ATXN1: variants seen among roughly 807,000 people sequenced by gnomAD.
The protein encoded by ATXN1 is ataxin 1.
ATXN1 carries 8 observed loss-of-function variants against 56.4 expected under a neutral mutation model. The observed-to-expected ratio is 0.14, with a 90% CI of 0.08 to 0.26. The LOEUF is 0.26. Ranked by LOEUF, ATXN1 falls within the 10% of genes least tolerant of loss-of-function variation. ATXN1 has a pLI of 1.00. For synonymous variants in ATXN1, 514 were observed against 494.6 expected (o/e 1.04, Z -0.52); for missense variants, 987 against 1,106.5 (o/e 0.89, Z 1.53).
chr6:16,627,533 C>T (rs902762786), intron 3 of ATXN1, among the ~76,000 whole-genome samples: 1 of 152,096 alleles, frequency 6.6e-6, no homozygotes, highest in Non-Finnish European at 1.5e-5. Context: ...TTGAGACCTG[C>T]CTGGCCAACA....
At chr6:16,529,334 G>A (rs901047810) in intron 4 of ATXN1, among the ~76,000 whole-genome samples, 1 of 151,640 alleles carries the variant, frequency 6.6e-6, no homozygotes, top group African/African-American at 2.4e-5. Context: ...AGGCAGCACA[G>A]CGGGACCAAA....
At chr6:16,658,445 G>T (rs1333748255) in intron 2 of ATXN1, among the ~76,000 whole-genome samples, 1 of 88,916 alleles carries the variant, frequency 1.1e-5, no homozygotes, top group African/African-American at 6.8e-5. Context: ...GGTTTCCCTT[G>T]TGTGATTCTT....
chr6:16,567,214 G>C (rs1310208717), intron 4 of ATXN1, among the ~76,000 whole-genome samples: 1 of 152,204 alleles, frequency 6.6e-6, no homozygotes, highest in Non-Finnish European at 1.5e-5. Flanking sequence ...GCCAACTGAA[G>C]ATGGCAGAAA....
chr6:16,549,198 T>G (rs953979586), intron 4 of ATXN1, among the ~76,000 whole-genome samples: 6 of 151,982 alleles, frequency 3.9e-5, no homozygotes, highest in Non-Finnish European at 8.8e-5. Flanking sequence ...TCTAAAACAA[T>G]GATCAAAAGT....
At chr6:16,733,909 AG>A (rs1426152849) in intron 2 of ATXN1, among the ~76,000 whole-genome samples, 3 of 152,060 alleles carry the variant, frequency 2.0e-5, no homozygotes, top group Non-Finnish European at 4.4e-5. Context: ...GCACTTTGGG[AG>A]GCCAAGGTAG....
At chr6:16,678,701 A>C (rs569647303) in intron 2 of ATXN1, among the ~76,000 whole-genome samples, 26 of 152,338 alleles carry the variant, frequency 1.7e-4, no homozygotes, top group Non-Finnish European at 2.9e-4. Flanking sequence ...AAAAATGTTT[A>C]AGTTAATTTA....
intron 6 of ATXN1, among the ~76,000 whole-genome samples, chr6:16,425,308 G>A (rs1561890978): frequency 6.6e-6 from 1 of 152,212 alleles, no homozygotes; most frequent in Non-Finnish European, 1.5e-5. Context: ...CCAGGCACTT[G>A]TATTCCTCAC....
intron 2 of ATXN1, among the ~76,000 whole-genome samples, chr6:16,702,707 T>C (rs1410388094): frequency 1.3e-5 from 2 of 152,230 alleles, no homozygotes; most frequent in Admixed American, 6.5e-5. Context: ...AAAGAAGACA[T>C]TTATGCAGCC....
Position 16,303,884 on chromosome 6 carries a change from C to G in ATXN1, c.*2445G>C, listed in dbSNP as rs1385277337. 6.6e-6 allele frequency: 1 copy of G among 152,606 alleles called. No individual in the cohort carries two copies. Among genetic ancestry groups the G allele is most frequent in the Non-Finnish European group, 1.5e-5 (1 of 68,044 alleles). The allele number at this position is 152,606 out of a possible 1,614,324, so 9.5% of individuals were successfully genotyped here. A position where few individuals can be genotyped will look rare whatever the true frequency, so the allele number is the denominator to read the frequency against. On this transcript the variant is annotated 3_prime_UTR_variant, in exon 8 of 8. Transcript: ENST00000436367. The surrounding 1 kb of genome is among the most constrained non-coding windows in gnomAD (Gnocchi z 4.3). Reference sequence around the variant, plus strand: ...AAACAAAACCTAATAATTGCAAGTGCCCTGAGCAGAATATATGGAAGATTA... The same window carrying G: ...AAACAAAACCTAATAATTGCAAGTGGCCTGAGCAGAATATATGGAAGATTA...
chr6:16,594,030 A>C (rs9477183), intron 3 of ATXN1, among the ~76,000 whole-genome samples: 13,103 of 148,782 alleles, frequency 0.088, 1,860 homozygotes, highest in African/African-American at 0.3. Flanking sequence ...TATACATATT[A>C]GTCAAATTAT....
intron 7 of ATXN1, among the ~76,000 whole-genome samples, chr6:16,317,074 C>G (rs1760530354): frequency 6.6e-6 from 1 of 151,990 alleles, no homozygotes; most frequent in Non-Finnish European, 1.5e-5. Context: ...TCTCTCCACT[C>G]TCGTTCTTGC....
At chr6:16,598,674 T>C (rs977791218) in intron 3 of ATXN1, among the ~76,000 whole-genome samples, 1 of 152,168 alleles carries the variant, frequency 6.6e-6, no homozygotes, top group Non-Finnish European at 1.5e-5. Context: ...TCAAGGATGC[T>C]GGCTTCCTGG....
intron 6 of ATXN1, among the ~76,000 whole-genome samples, chr6:16,414,012 G>C (rs1167182289): frequency 2.6e-5 from 4 of 152,204 alleles, no homozygotes; most frequent in Non-Finnish European, 4.4e-5. Flanking sequence ...TTGATTGTTT[G>C]TAAAAGTGAT....
At chr6:16,320,227 C>G (rs184887033) in intron 7 of ATXN1, among the ~76,000 whole-genome samples, 1 of 151,836 alleles carries the variant, frequency 6.6e-6, no homozygotes, top group Non-Finnish European at 1.5e-5. Context: ...AGAAGTCAAC[C>G]AAAAAATAGT....
At chr6:16,481,869 G>A (rs545076193) in intron 6 of ATXN1, among the ~76,000 whole-genome samples, 12 of 152,164 alleles carry the variant, frequency 7.9e-5, no homozygotes, top group East Asian at 5.8e-4. Flanking sequence ...CAAAACCACC[G>A]CCGTTCACAG....
rs75745599 is a variant in ATXN1 at position 16,362,817 on chromosome 6, C to T, written c.-160-34347G>A. On this transcript the variant is annotated intron_variant, in intron 6 of 7. Coordinates refer to ENST00000436367, the MANE Select transcript of ATXN1 (RefSeq NM_001128164.2). ...CACTAAATCTCCCACCCACTCATGTCGCAAACCTTTATGGAGTGCCTACTA... is the reference window on the plus strand; with the variant it reads ...CACTAAATCTCCCACCCACTCATGTTGCAAACCTTTATGGAGTGCCTACTA... Among the ~76,000 whole-genome samples, 14 of 152,282 alleles carry T rather than the reference C, an allele frequency of 9.2e-5. No individual in the cohort carries two copies. In the East Asian group the frequency reaches 2.1e-3, roughly 23 times the overall value.
chr6:16,453,748 A>T (rs1427549772), intron 6 of ATXN1, among the ~76,000 whole-genome samples: 2 of 152,150 alleles, frequency 1.3e-5, no homozygotes, highest in African/African-American at 2.4e-5. Flanking sequence ...TCTACACATA[A>T]ATTTATATCT....
chr6:16,429,999 A>T (rs1302842416), intron 6 of ATXN1, among the ~76,000 whole-genome samples: 1 of 152,060 alleles, frequency 6.6e-6, no homozygotes, highest in Non-Finnish European at 1.5e-5. Flanking sequence ...TCACAATAAG[A>T]CTCAGAATCC....
At chr6:16,504,453 C>T (rs1419184067) in intron 5 of ATXN1, among the ~76,000 whole-genome samples, 5 of 152,132 alleles carry the variant, frequency 3.3e-5, no homozygotes, top group Non-Finnish European at 5.9e-5. Flanking sequence ...GTGGTAGCAC[C>T]CCCACCCCCA....
Sources: gnomAD v4.1 joint callset for allele counts (sites outside exome capture counted in the v4.1 genomes callset) on GRCh38, gnomAD v4.1.1 for gene constraint, Gnocchi (gnomAD v3.1) non-coding constraint, MANE v1.5 for transcripts, NCBI Gene and HGNC (gene_info 2026-07-23, HGNC 2026-07-21) for gene names.